Variants in PIGN observed in about 807,000 individuals in gnomAD.
The protein encoded by PIGN is phosphatidylinositol glycan anchor biosynthesis class N, also known as GPI ethanolamine phosphate transferase 1.
A neutral mutation model predicts 125.4 loss-of-function variants in PIGN; 117 were observed. The observed-to-expected ratio is 0.93, with a 90% confidence interval of 0.80 to 1.09. PIGN has a LOEUF of 1.09. Among genes scored for constraint, PIGN ranks in the 50% least tolerant of loss-of-function variants. PIGN has a pLI of 0.00. For synonymous variants in PIGN, 392 were observed against 377.8 expected (o/e 1.04, Z -0.44); for missense variants, 1,075 against 1,094.9 (o/e 0.98, Z 0.26).
At chr18:62,085,521 C>T (rs2033656725) in intron 25 of PIGN, among the ~76,000 whole-genome samples, 1 of 151,842 alleles carries the variant, frequency 6.6e-6, no homozygotes, top group Non-Finnish European at 1.5e-5. Flanking sequence ...TTTCCTCTTC[C>T]CTAATATGAG....
At chr18:62,046,064 C>A in intron 30 of PIGN, 85 bp from the exon 31 acceptor site, 13 of 1,390,970 alleles carry the variant, frequency 9.3e-6, no homozygotes, top group Non-Finnish European at 1.3e-5. Context: ...TTTAAATGGA[C>A]AGATGAAAAT....
At chr18:62,137,970 T>C (rs1359682941) in intron 14 of PIGN, 2 of 353,506 alleles carry the variant, frequency 5.7e-6, no homozygotes, top group East Asian at 6.6e-5. Flanking sequence ...CACACCTTCC[T>C]AGCCAACCAG....
At chr18:62,084,823 G>A (rs1333400489) in intron 26 of PIGN, among the ~76,000 whole-genome samples, 1 of 152,164 alleles carries the variant, frequency 6.6e-6, no homozygotes, top group African/African-American at 2.4e-5. Flanking sequence ...AAAGCAAGGT[G>A]CAGGCTGGGT....
chr18:62,109,411 T>C (rs1159919971), intron 17 of PIGN, among the ~76,000 whole-genome samples: 1 of 152,144 alleles, frequency 6.6e-6, no homozygotes, highest in African/African-American at 2.4e-5. Context: ...ACACAATCGC[T>C]AGGAAAGGAG....
chr18:62,075,882 T>C (rs891074116), intron 28 of PIGN: 4 of 152,354 alleles, frequency 2.6e-5, no homozygotes, highest in African/African-American at 9.6e-5. Context: ...ACTATTTGTT[T>C]TTAACTATTC....
At chr18:62,123,053 TG>T (rs2035367660) in intron 14 of PIGN, among the ~76,000 whole-genome samples, 1 of 152,056 alleles carries the variant, frequency 6.6e-6, no homozygotes, top group Admixed American at 6.6e-5. Flanking sequence ...ACAGGAGGAT[TG>T]CTTGAGGCCA....
chr18:62,027,420 T>G (rs952759077), intron 23 of PIGN, among the ~76,000 whole-genome samples: 1 of 152,134 alleles, frequency 6.6e-6, no homozygotes, highest in Non-Finnish European at 1.5e-5. Context: ...CAGTTTGGTT[T>G]TATACATTTT....
intron 23 of PIGN, among the ~76,000 whole-genome samples, chr18:62,029,541 C>A (rs1374711071): frequency 6.6e-6 from 1 of 152,142 alleles, no homozygotes; most frequent in Non-Finnish European, 1.5e-5. Flanking sequence ...GTTAAACTGG[C>A]TTAATCTGAA....
In PIGN at chr18:62,113,324, G is replaced by A; in HGVS notation, c.1252-8C>T. On this transcript the variant is annotated splice_polypyrimidine_tract_variant and splice_region_variant and intron_variant, in intron 15 of 30. Coordinates refer to ENST00000640252, the MANE Select transcript of PIGN (RefSeq NM_176787.5). ...CTCCTTGCAAAGGGAGACCTATGGA[G>A]AAAAAACATATATAACTTGCTAACA... is the stretch of plus-strand genomic sequence containing the variant. 2 of 1,572,748 alleles carry A rather than the reference G, an allele frequency of 1.3e-6. No homozygotes were observed. Among genetic ancestry groups the A allele is most frequent in the Non-Finnish European group, 1.7e-6 (2 of 1,163,300 alleles).
At position 62,148,698 on chromosome 18, in the gene PIGN, TTAAGAA is replaced by T. The variant is rs1250857431; in HGVS notation, c.550-366_550-361del. Among the ~76,000 whole-genome samples, 8 of 152,208 alleles carry T rather than the reference TTAAGAA, an allele frequency of 5.3e-5. No homozygotes were observed. The South Asian group carries it at 6.2e-4, about 12-fold the overall frequency. On this transcript the variant is annotated intron_variant, in intron 7 of 30. Coordinates refer to ENST00000640252, the MANE Select transcript of PIGN (RefSeq NM_176787.5). ...ATAATATAGTAATACTGTTACCAGT[TTAAGAA>T]TAATTTATTTTTTTAAATATTTCAG...
At position 62,042,003 on chromosome 18, in the gene PIGN, T is replaced by C. The variant is rs758673903; in HGVS notation, c.*3853A>G. On this transcript the variant is annotated 3_prime_UTR_variant, in exon 31 of 31. Coordinates refer to ENST00000640252, the MANE Select transcript of PIGN (RefSeq NM_176787.5). ...ACCTATTTAAGGTGGTTTGACTAGA[T>C]GTTTCTCAAATATATTTAATTAAGA... 1.3e-5 allele frequency: 2 copies of C among 152,202 alleles called. No homozygotes were observed. The highest frequency in any genetic ancestry group is 6.5e-5 in the Admixed American group (1 of 15,284). The allele number at this position is 152,202 out of a possible 1,614,324, so 9.4% of individuals were successfully genotyped here.
intron 30 of PIGN, chr18:62,070,198 C>G (rs2032762352): frequency 2.6e-6 from 1 of 388,250 alleles, no homozygotes; most frequent in Admixed American, 4.5e-5. Context: ...TTTCACAGCT[C>G]AAAAGTGGCA....
At chr18:62,136,120 C>A (rs972196066) in intron 14 of PIGN, 15 of 152,032 alleles carry the variant, frequency 9.9e-5, no homozygotes, top group Non-Finnish European at 2.2e-4. Flanking sequence ...GAACCAATTC[C>A]ATTAACAAAT....
At chr18:62,053,497 G>C (rs1307531296) in intron 30 of PIGN, among the ~76,000 whole-genome samples, 1 of 152,172 alleles carries the variant, frequency 6.6e-6, no homozygotes, top group African/African-American at 2.4e-5. Flanking sequence ...CTGAAAAACA[G>C]AGATTGGTAG....
intron 14 of PIGN, among the ~76,000 whole-genome samples, chr18:62,121,440 A>G (rs2035301271): frequency 6.6e-6 from 1 of 152,210 alleles, no homozygotes; most frequent in South Asian, 2.1e-4. Context: ...ATTATTCAAT[A>G]AATATTGAAT....
chr18:62,119,428 A>C (rs2034539308), intron 14 of PIGN, among the ~76,000 whole-genome samples: 1 of 152,224 alleles, frequency 6.6e-6, no homozygotes, highest in Non-Finnish European at 1.5e-5. Context: ...ATTTTTTTAA[A>C]AATCAAAATG....
chr18:62,174,135 A>C (rs1157761807), intron 1 of PIGN, among the ~76,000 whole-genome samples: 1 of 151,766 alleles, frequency 6.6e-6, no homozygotes, highest in African/African-American at 2.4e-5. Context: ...AATCACTTGA[A>C]TCTGGGAGGC....
downstream of PIGN, among the ~76,000 whole-genome samples, chr18:62,036,810 A>G (rs1306511866): frequency 1.2e-4 from 18 of 152,312 alleles, no homozygotes. Flanking sequence ...GCCACTCAGC[A>G]TTCAACTGCC....
chr18:62,090,495 C>A lies in PIGN; in HGVS notation c.2264G>T (p.Gly755Val), dbSNP rs377599365. 8.7e-6 allele frequency: 14 copies of A among 1,604,284 alleles called. No individual in the cohort carries two copies. The highest frequency in any genetic ancestry group is 1.2e-5 in the Non-Finnish European group (14 of 1,174,308). The part of the protein sequence containing the change: ...NIEQETLQQS[G>V]VCCKQKLTSI... ...AGCTACCTTTTGTTTACAGCAAACA[C>A]CAGATTGTTGTAGAGTTTCTTGTTC... Residue 755 changes from glycine (G) to valine (V), a missense_variant, in exon 24 of 31, where the codon GGT becomes GTT. Physicochemically the swap from Gly to Val is moderately radical, Grantham distance 109 (BLOSUM62 -3). Coordinates refer to ENST00000640252, the MANE Select transcript of PIGN (RefSeq NM_176787.5).
Sources: gnomAD v4.1 joint callset for allele counts (sites outside exome capture counted in the v4.1 genomes callset) on GRCh38, gnomAD v4.1.1 for gene constraint, MANE v1.5 for transcripts, NCBI Gene and HGNC (gene_info 2026-07-23, HGNC 2026-07-21) for gene names.